Variants in CASQ1 observed in about 807,000 individuals in gnomAD.
CASQ1 encodes the protein calsequestrin 1, also known as calsequestrin-1.
In CASQ1, 40 loss-of-function variants were observed where a neutral mutation model predicts 49.5. That is an observed-to-expected ratio of 0.81 (90% CI 0.63 to 1.05). The LOEUF is 1.05. CASQ1 is among the 50% of genes least tolerant of loss of function. The pLI is 0.00. For synonymous variants in CASQ1, 174 were observed against 187.2 expected (o/e 0.93, Z 0.58); for missense variants, 469 against 486.9 (o/e 0.96, Z 0.35).
chr1:160,192,797 T>A lies in CASQ1; in HGVS notation c.280-5T>A, dbSNP rs755213419. 6.2e-7 allele frequency: 1 copy of A among 1,613,312 alleles called. No individual in the cohort carries two copies. ...GCTAATTTTAATCATAATCCTTCCC[T>A]CCAGTTAGCAGCCCAAGTCCTAGAA... On this transcript the variant is annotated splice_polypyrimidine_tract_variant and splice_region_variant and intron_variant, in intron 1 of 10. Transcript: ENST00000368078.
At position 160,201,229 on chromosome 1, in the gene CASQ1, C is replaced by G. The variant is rs1419621395; in HGVS notation, c.1060-16C>G. The G allele has an allele frequency of 6.2e-7, 1 of 1,610,702 alleles. No homozygotes were observed. Among genetic ancestry groups the G allele is most frequent in the Admixed American group, 1.7e-5 (1 of 59,542 alleles). ...GGTTGGACTTAGCTTCCGTCCCTGC[C>G]TGTGCCATCTCCTAGGCGGATAGCG... On this transcript the variant is annotated splice_polypyrimidine_tract_variant and intron_variant, in intron 10 of 10. Transcript: ENST00000368078.
chr1:160,199,862 C>T lies in CASQ1; in HGVS notation c.996C>T (p.Tyr332=). ...TGATCTCTCTACAGCTGGTCCCATA[C>T]TGGGAGAAGACGTTTGACATCGACT... ...DPDDFPLLVP[Y]WEKTFDIDLS... is the part of the protein sequence containing the mutation. Residue 332 remains tyrosine (Y), a synonymous_variant, in exon 10 of 11, where the codon TAC becomes TAT. Coordinates refer to ENST00000368078, the MANE Select transcript of CASQ1 (RefSeq NM_001231.5). 3 of 1,609,796 alleles carry T rather than the reference C, an allele frequency of 1.9e-6. No individual in the cohort carries two copies. The highest frequency in any genetic ancestry group is 2.6e-6 in the Non-Finnish European group (3 of 1,175,970).
chr1:160,193,837 T>G lies in CASQ1; in HGVS notation c.455T>G (p.Phe152Cys). Residue 152 changes from phenylalanine to cysteine, a missense_variant, in exon 3 of 11, where the codon TTT (phenylalanine) becomes TGT (cysteine). Phe to Cys is a radical substitution (Grantham distance 205). Coordinates refer to ENST00000368078, the MANE Select transcript of CASQ1 (RefSeq NM_001231.5). ...TTTTCTGCTGACACCATCGTGGAGTTTCTGCTTGATGTAAGGACTCCCCTG... is the reference window on the plus strand; with the variant it reads ...TTTTCTGCTGACACCATCGTGGAGTGTCTGCTTGATGTAAGGACTCCCCTG... ...GEFSADTIVE[F>C]LLDVLEDPVE... The G allele has an allele frequency of 6.2e-7, 1 of 1,611,334 alleles. No individual in the cohort carries two copies. The highest frequency in any genetic ancestry group is 8.5e-7 in the Non-Finnish European group (1 of 1,177,860).
chr1:160,195,654 C>CA (rs1056853805), intron 5 of CASQ1, 120 bp downstream of exon 5: 13 of 845,622 alleles, frequency 1.5e-5, no homozygotes, highest in East Asian at 2.7e-5. Flanking sequence ...CCCTACCTGC[C>CA]CCCCCCCCCG....
intron 2 of CASQ1, 60 bp from the exon 3 acceptor site, chr1:160,193,687 C>A: frequency 9.9e-7 from 1 of 1,007,642 alleles, no homozygotes; most frequent in Non-Finnish European, 1.5e-6. Flanking sequence ...GACCTTGAAT[C>A]TGTGGGAAGC....
chr1:160,199,118 T>C, intron 9 of CASQ1, 65 bp downstream of exon 9: 1 of 1,034,698 alleles, frequency 9.7e-7, no homozygotes, highest in Middle Eastern at 2.0e-4. Flanking sequence ...ATCTTCTTAG[T>C]GAGGGCTTTG....
At chr1:160,196,964 C>G (rs193285632) in intron 6 of CASQ1, among the ~76,000 whole-genome samples, 3 of 152,130 alleles carry the variant, frequency 2.0e-5, no homozygotes, top group African/African-American at 7.2e-5. Context: ...TTCTACAGTG[C>G]GCAGGACAGC....
At chr1:160,197,327 C>A (rs1351167294) in intron 6 of CASQ1, among the ~76,000 whole-genome samples, 2 of 152,202 alleles carry the variant, frequency 1.3e-5, no homozygotes, top group African/African-American at 4.8e-5. Flanking sequence ...ATGTCCAGTT[C>A]TTGCCTTTCT....
At position 160,190,610 on chromosome 1, in the gene CASQ1, C is replaced by A; in HGVS notation, c.-142C>A. On this transcript the variant is annotated 5_prime_UTR_variant, in exon 1 of 11. Transcript: ENST00000368078. ...GCAGTTTCTCCAGGACCCAGCAGTG[C>A]CCTCTGTCCACTGCTCTGGGCCATT... is the stretch of plus-strand genomic sequence containing the variant. 2.8e-6 allele frequency: 2 copies of A among 726,956 alleles called. No individual in the cohort carries two copies. The highest frequency in any genetic ancestry group is 4.4e-6 in the Non-Finnish European group (2 of 450,084). 45.0% of individuals were successfully genotyped at this position (726,956 alleles called of 1,614,324 possible). A position where few individuals can be genotyped will look rare whatever the true frequency, so the allele number is the denominator to read the frequency against.
At chr1:160,192,695 T>G in intron 1 of CASQ1, 107 bp from the exon 2 acceptor site, 3 of 866,238 alleles carry the variant, frequency 3.5e-6, no homozygotes, top group Non-Finnish European at 3.8e-6. Context: ...CAAGGTCAAC[T>G]CTTATATCTC....
At chr1:160,200,669 T>C (rs559085411) in intron 10 of CASQ1, among the ~76,000 whole-genome samples, 33 of 152,154 alleles carry the variant, frequency 2.2e-4, no homozygotes, top group Non-Finnish European at 3.5e-4. Context: ...ATTTTTATGG[T>C]TGAGAGTCTA....
chr1:160,193,510 C>CT (rs1207457319), intron 2 of CASQ1, among the ~76,000 whole-genome samples: 1 of 152,112 alleles, frequency 6.6e-6, no homozygotes, highest in African/African-American at 2.4e-5. Context: ...CCCCCAGCTA[C>CT]TCCCTAGAAA....
At chr1:160,191,058 GAGCAT>G in intron 1 of CASQ1, 28 bp downstream of exon 1, 1 of 1,609,930 alleles carries the variant, frequency 6.2e-7, no homozygotes, top group Non-Finnish European at 8.5e-7. Context: ...CAGGCCTGCA[GAGCAT>G]GTCTAGCCCC....
chr1:160,192,939 C>A, intron 2 of CASQ1, 53 bp downstream of exon 2: 1 of 1,467,644 alleles, frequency 6.8e-7, no homozygotes, highest in Non-Finnish European at 9.5e-7. Flanking sequence ...CAAGGGGAGG[C>A]TTAGGGCGGA....
At chr1:160,196,098 G>C in intron 6 of CASQ1, 71 bp downstream of exon 6, 2 of 1,488,254 alleles carry the variant, frequency 1.3e-6, no homozygotes, top group South Asian at 1.2e-5. Flanking sequence ...TGTGAGATGG[G>C]CTGGGGAAAG....
At chr1:160,195,804 A>T in intron 5 of CASQ1, 93 bp from the exon 6 acceptor site, 59 of 1,277,862 alleles carry the variant, frequency 4.6e-5, no homozygotes, top group Middle Eastern at 1.9e-4. Context: ...CGGCTTTCTG[A>T]CTCCCTTCCT....
intron 3 of CASQ1, 31 bp from the exon 4 acceptor site, chr1:160,194,981 A>G: frequency 7.3e-7 from 1 of 1,378,914 alleles, no homozygotes; most frequent in South Asian, 1.3e-5. Flanking sequence ...GAGGATAGAA[A>G]CTCTCTTCCT....
intron 7 of CASQ1, 115 bp downstream of exon 7, chr1:160,197,729 C>T: frequency 1.3e-6 from 1 of 768,006 alleles, no homozygotes; most frequent in Non-Finnish European, 2.3e-6. Context: ...AAAAACAGTG[C>T]ACTGACCAGC....
Position 160,195,455 on chromosome 1 carries a change from C to T in CASQ1, c.578-6C>T, listed in dbSNP as rs772050082. ...CCAGAGACTGACTCTGCATTCCACC[C>T]CCCAGATTACAAAGCCTTCGAGGAT... is the stretch of plus-strand genomic sequence containing the variant. On this transcript the variant is annotated splice_region_variant and splice_polypyrimidine_tract_variant and intron_variant, in intron 4 of 10. Transcript: ENST00000368078. 1 of 1,613,796 alleles carries T rather than the reference C, an allele frequency of 6.2e-7. No individual in the cohort carries two copies. Among genetic ancestry groups the T allele is most frequent in the South Asian group, 1.1e-5 (1 of 91,082 alleles).
Sources: gnomAD v4.1 joint callset for allele counts (sites outside exome capture counted in the v4.1 genomes callset) on GRCh38, gnomAD v4.1.1 for gene constraint, MANE v1.5 for transcripts, NCBI Gene and HGNC (gene_info 2026-07-23, HGNC 2026-07-21) for gene names.